The following WNK2 variants were observed in gnomAD, a reference collection of about 807,000 sequenced individuals.
WNK2 encodes serine/threonine-protein kinase WNK2.
WNK2 carries 67 observed loss-of-function variants against 192.1 expected under a neutral mutation model. That is an observed-to-expected ratio of 0.35 (90% CI 0.29 to 0.43). The LOEUF (loss-of-function observed/expected upper bound fraction) is 0.43, where lower values mean the gene tolerates loss of function less well. Among genes scored for constraint, WNK2 ranks in the 20% least tolerant of loss-of-function variants. The pLI is 1.00. For synonymous variants in WNK2, 1,439 were observed against 1,393.9 expected, an observed-to-expected ratio of 1.03 and a Z score of -0.72; for missense variants, 2,698 against 3,089.7, an observed-to-expected ratio of 0.87 and a Z score of 3.01.
intron 19 of WNK2, among the ~76,000 whole-genome samples, chr9:93,275,841 G>T (rs1846779398): frequency 6.6e-6 from 1 of 152,118 alleles, no homozygotes; most frequent in East Asian, 1.9e-4. Context: ...AAATTTGAAG[G>T]CTATACCATT....
intron 2 of WNK2, among the ~76,000 whole-genome samples, chr9:93,209,068 T>C (rs1043229760): frequency 3.3e-5 from 5 of 152,144 alleles, no homozygotes; most frequent in African/African-American, 7.2e-5. Flanking sequence ...ACTGTGGCCT[T>C]GAAGACCCTT....
chr9:93,204,968 C>T lies in WNK2; in HGVS notation c.681+19358C>T, dbSNP rs1017395403. Among the ~76,000 whole-genome samples, 7 of 152,248 alleles carry T rather than the reference C, an allele frequency of 4.6e-5. 1 individual carries two copies. Reference sequence around the variant, plus strand: ...GCTCATCATGCTGGAAGCCACAGGCCAAGAAGTGAACTGAGCTTGCAGGGG... The same window carrying T: ...GCTCATCATGCTGGAAGCCACAGGCTAAGAAGTGAACTGAGCTTGCAGGGG... On this transcript the variant is annotated intron_variant, in intron 2 of 29. Coordinates refer to ENST00000427277, the MANE Select transcript of WNK2 (RefSeq NM_006648.4).
In WNK2 at chr9:93,253,022, G is replaced by T; in HGVS notation, c.1974G>T (p.Glu658Asp). Residue 658 changes from glutamate (E) to aspartate (D), a missense_variant, in exon 9 of 30, where the codon GAG (glutamate) becomes GAT (aspartate). Glu to Asp is a conservative substitution (Grantham distance 45). Coordinates refer to ENST00000427277, the MANE Select transcript of WNK2 (RefSeq NM_006648.4). ...AQCVCSPPVS[E>D]GPVLPQSLPS... ...GTGTGTGCAGCCCCCCTGTGAGCGA[G>T]GGGCCCGTCCTGCCGCAGAGCCTGC... 1 of 1,550,788 alleles carries T rather than the reference G, an allele frequency of 6.4e-7. No individual in the cohort carries two copies.
At chr9:93,222,480 G>A (rs1027374199) in intron 2 of WNK2, among the ~76,000 whole-genome samples, 3 of 152,126 alleles carry the variant, frequency 2.0e-5, no homozygotes, top group Admixed American at 1.3e-4. Context: ...GAAGAGTCCA[G>A]TGCCGCCGAC....
At chr9:93,191,029 C>T (rs1184763767) in intron 2 of WNK2, among the ~76,000 whole-genome samples, 1 of 152,160 alleles carries the variant, frequency 6.6e-6, no homozygotes, top group Non-Finnish European at 1.5e-5. Flanking sequence ...GCGCTGGAGA[C>T]CCCCACGGAG....
intron 2 of WNK2, among the ~76,000 whole-genome samples, chr9:93,222,821 T>G (rs567332357): frequency 2.3e-4 from 35 of 152,146 alleles, no homozygotes; most frequent in African/African-American, 8.2e-4. Context: ...TAGCTGGGAT[T>G]ACAGGCGCCT....
chr9:93,252,318 G>T (rs543945766), intron 8 of WNK2, among the ~76,000 whole-genome samples: 1 of 152,310 alleles, frequency 6.6e-6, no homozygotes, highest in South Asian at 2.1e-4. Flanking sequence ...ATGGGCGCTT[G>T]GTGTCACCCC....
At chr9:93,296,600 A>C (rs1258931955) in intron 23 of WNK2, among the ~76,000 whole-genome samples, 13 of 23,414 alleles carry the variant, frequency 5.6e-4, no homozygotes, top group South Asian at 2.2e-3. Context: ...TTTCTCCATC[A>C]TTCCCTCTCC....
intron 28 of WNK2, chr9:93,315,953 C>T (rs1467863843): frequency 6.6e-6 from 1 of 152,072 alleles, no homozygotes; most frequent in East Asian, 1.9e-4. Flanking sequence ...CTTTAGATCC[C>T]ATGAGCCATC....
At chr9:93,245,869 T>C (rs1841589768) in intron 7 of WNK2, among the ~76,000 whole-genome samples, 1 of 152,112 alleles carries the variant, frequency 6.6e-6, no homozygotes, top group South Asian at 2.1e-4. Context: ...TGGGCTGCAG[T>C]CTCAGACCCT....
intron 28 of WNK2, chr9:93,315,638 TCTC>T (rs1401297930): frequency 2.0e-5 from 3 of 152,226 alleles, no homozygotes; most frequent in Non-Finnish European, 4.4e-5. Context: ...ACTGAAGTCT[TCTC>T]CTTCTTAGTG....
chr9:93,236,495 G>T (rs1039158008), intron 5 of WNK2, among the ~76,000 whole-genome samples: 2 of 152,240 alleles, frequency 1.3e-5, no homozygotes, highest in Non-Finnish European at 2.9e-5. Flanking sequence ...GAAAGAACGT[G>T]ATAGTTGGTA....
At chr9:93,243,158 G>C (rs912068591) in intron 7 of WNK2, among the ~76,000 whole-genome samples, 3 of 152,308 alleles carry the variant, frequency 2.0e-5, no homozygotes, top group East Asian at 1.9e-4. Context: ...CTCCTTGCCT[G>C]TCTTGGGTTC....
chr9:93,280,057 T>TTCGTCAAAGTTTTACTG (rs1454848942), intron 19 of WNK2, among the ~76,000 whole-genome samples: 1 of 152,186 alleles, frequency 6.6e-6, no homozygotes, highest in Non-Finnish European at 1.5e-5. Context: ...GTAAACTGAA[T>TTCGTCAAAGTTTTACTG]TCGTCAAAGT....
At chr9:93,200,650 C>T (rs1297972086) in intron 2 of WNK2, among the ~76,000 whole-genome samples, 1 of 152,150 alleles carries the variant, frequency 6.6e-6, no homozygotes, top group East Asian at 1.9e-4. Flanking sequence ...CAGAGGATGC[C>T]GGAGCATGGC....
chr9:93,262,562 A>C, intron 13 of WNK2, 108 bp from the exon 14 acceptor site: 9 of 1,224,270 alleles, frequency 7.4e-6, no homozygotes, highest in Non-Finnish European at 1.1e-5. Context: ...GCAGCGGGGC[A>C]GGCTGGGCTG....
At chr9:93,298,372 C>T (rs550991291) in intron 24 of WNK2, among the ~76,000 whole-genome samples, 1 of 152,358 alleles carries the variant, frequency 6.6e-6, no homozygotes, top group East Asian at 1.9e-4. Context: ...ACCTGCTCCT[C>T]TGCAGGGCAC....
chr9:93,233,574 T>C (rs1353002134), intron 4 of WNK2, among the ~76,000 whole-genome samples: 1 of 151,982 alleles, frequency 6.6e-6, no homozygotes, highest in Non-Finnish European at 1.5e-5. Flanking sequence ...GGCAGACGCC[T>C]GTAGTCCCAG....
At chr9:93,272,356 T>C (rs1214268251) in intron 19 of WNK2, among the ~76,000 whole-genome samples, 2 of 152,178 alleles carry the variant, frequency 1.3e-5, no homozygotes, top group Non-Finnish European at 2.9e-5. Context: ...AAAAGTTAAG[T>C]ATATATTTTG....
Sources: allele counts gnomAD v4.1 joint callset (sites outside exome capture counted in the v4.1 genomes callset), GRCh38; gene constraint gnomAD v4.1.1; transcripts MANE v1.5; gene names NCBI Gene and HGNC (gene_info 2026-07-23, HGNC 2026-07-21).